GRK5: variants seen among roughly 807,000 people sequenced by gnomAD.
GRK5 encodes g protein-coupled receptor kinase GRK5.
GRK5 carries 40 observed loss-of-function variants against 78.4 expected under a neutral mutation model. The observed-to-expected ratio is 0.51, with a 90% confidence interval of 0.40 to 0.66. The LOEUF (loss-of-function observed/expected upper bound fraction) is 0.66, where lower values mean the gene tolerates loss of function less well. Ranked by LOEUF, GRK5 falls within the 30% of genes least tolerant of loss-of-function variation. The pLI is 0.00. For synonymous variants in GRK5, 289 were observed against 296.8 expected (o/e 0.97, Z 0.27); for missense variants, 598 against 759.9 (o/e 0.79, Z 2.50).
At chr10:119,276,407 A>G (rs1849671264) in intron 1 of GRK5, among the ~76,000 whole-genome samples, 2 of 152,178 alleles carry the variant, frequency 1.3e-5, no homozygotes, top group South Asian at 4.1e-4. Context: ...AATTTCATCC[A>G]TGTCCCTACA....
At chr10:119,343,903 C>T (rs1851027216) in intron 2 of GRK5, among the ~76,000 whole-genome samples, 1 of 152,104 alleles carries the variant, frequency 6.6e-6, no homozygotes, top group Non-Finnish European at 1.5e-5. Context: ...TCTTATTAAC[C>T]CACTGTGTAC....
intron 1 of GRK5, among the ~76,000 whole-genome samples, chr10:119,313,019 A>AATGGTGGTGCTGGTGGCT (rs1850396072): frequency 3.2e-4 from 4 of 12,446 alleles, no homozygotes; most frequent in Admixed American, 8.8e-4. Context: ...CGGTGATGGT[A>AATGGTGGTGCTGGTGGCT]GTGGTAATGG....
chr10:119,224,645 C>T (rs1214284931), intron 1 of GRK5, among the ~76,000 whole-genome samples: 1 of 152,088 alleles, frequency 6.6e-6, no homozygotes, highest in Non-Finnish European at 1.5e-5. Flanking sequence ...AACTTCTGAC[C>T]TCAGGTTATC....
intron 1 of GRK5, among the ~76,000 whole-genome samples, chr10:119,320,454 C>T (rs1396809318): frequency 6.6e-6 from 1 of 152,174 alleles, no homozygotes; most frequent in African/African-American, 2.4e-5. Flanking sequence ...GTGCTGCATG[C>T]GTTGAGAGAA....
rs1853134273 is a variant in GRK5, at chr10:119,445,795, T to C, written c.1266+2043T>C. Among the ~76,000 whole-genome samples the C allele has an allele frequency of 6.6e-6, 1 of 152,150 alleles. No individual in the cohort carries two copies. The highest frequency in any genetic ancestry group is 2.1e-4 in the South Asian group (1 of 4,826). On this transcript the variant is annotated intron_variant, in intron 12 of 15. Coordinates refer to ENST00000392870, the MANE Select transcript of GRK5 (RefSeq NM_005308.3). This position sits in a 1 kb window ranked among gnomAD's most constrained non-coding sequence, Gnocchi z 4.1. The stretch of plus-strand genomic sequence containing the variant: ...CGCAGGTCCTGGGTTCACAGGGCTA[T>C]TTCTAGGCTCTGGTGGCTCCAGCCC...
chr10:119,301,988 TGAG>T (rs1321880692), intron 1 of GRK5, among the ~76,000 whole-genome samples: 2 of 152,228 alleles, frequency 1.3e-5, no homozygotes, highest in Admixed American at 1.3e-4. Context: ...CACTTTCTGC[TGAG>T]GAGACTTGAT....
chr10:119,354,855 G>T (rs928076746), intron 2 of GRK5, among the ~76,000 whole-genome samples: 1 of 152,100 alleles, frequency 6.6e-6, no homozygotes, highest in Non-Finnish European at 1.5e-5. Context: ...TATTGGAAAG[G>T]CTGACTTTTC....
rs1257381482 is a variant in GRK5, at chr10:119,379,069, T to G, written c.149-1746T>G. Among the ~76,000 whole-genome samples the G allele has an allele frequency of 4.6e-5, 7 of 152,154 alleles. No homozygotes were observed. The highest frequency in any genetic ancestry group is 1.7e-4 in the African/African-American group (7 of 41,436). On this transcript the variant is annotated intron_variant, in intron 2 of 15. Coordinates refer to ENST00000392870, the MANE Select transcript of GRK5 (RefSeq NM_005308.3). The surrounding 1 kb of genome is among the most constrained non-coding windows in gnomAD (Gnocchi z 4.1). The stretch of plus-strand genomic sequence containing the variant: ...GATTCAGAGGCTTGGGTTGAATTGG[T>G]GCAGACTGGGAGAAAGGAGGTTCCC...
intron 1 of GRK5, among the ~76,000 whole-genome samples, chr10:119,273,469 A>G (rs1245958122): frequency 6.6e-6 from 1 of 152,154 alleles, no homozygotes; most frequent in Non-Finnish European, 1.5e-5. Flanking sequence ...TCCATGATCT[A>G]TTCATGGTGT....
chr10:119,314,162 G>A (rs1850443714), intron 1 of GRK5, among the ~76,000 whole-genome samples: 1 of 152,362 alleles, frequency 6.6e-6, no homozygotes, highest in South Asian at 2.1e-4. Flanking sequence ...TCTACCCCGT[G>A]GCTTTTGCCC....
intron 8 of GRK5, 64 bp from the exon 9 acceptor site, chr10:119,436,587 G>A (rs1852923911): frequency 1.3e-6 from 2 of 1,503,270 alleles, no homozygotes; most frequent in Admixed American, 3.4e-5. Flanking sequence ...GGATCCTGAG[G>A]AGGGAAGTGG....
At chr10:119,427,789 A>G (rs994391270) in intron 6 of GRK5, among the ~76,000 whole-genome samples, 1 of 129,098 alleles carries the variant, frequency 7.7e-6, no homozygotes, top group African/African-American at 2.5e-5. Flanking sequence ...CACCATCATC[A>G]GCATCACCAC....
At chr10:119,320,417 G>A (rs111628456) in intron 1 of GRK5, among the ~76,000 whole-genome samples, 131 of 152,330 alleles carry the variant, frequency 8.6e-4, no homozygotes, top group African/African-American at 2.8e-3. Context: ...CACTTGGCAC[G>A]TAGAGGTTGA....
At position 119,299,216 on chromosome 10, in the gene GRK5, G is replaced by T. The variant is rs546536879; in HGVS notation, c.53-27300G>T. Among the ~76,000 whole-genome samples, 3 of 152,330 alleles carry T rather than the reference G, an allele frequency of 2.0e-5. No individual in the cohort carries two copies. The South Asian group carries it at 6.2e-4, about 32-fold the overall frequency. On this transcript the variant is annotated intron_variant, in intron 1 of 15. Coordinates refer to ENST00000392870, the MANE Select transcript of GRK5 (RefSeq NM_005308.3). ...CAAGCACTTTGGGAGGCCAAGGCGG[G>T]TGGATCACCTGAGGTCAGGAGTTTG...
chr10:119,394,114 G>GT (rs1564916593), intron 3 of GRK5, among the ~76,000 whole-genome samples: 44 of 31,954 alleles, frequency 1.4e-3, no homozygotes, highest in Middle Eastern at 0.015. Flanking sequence ...TCTGTGTGGG[G>GT]GGTGTGTGTG....
chr10:119,349,606 A>G (rs1851157718), intron 2 of GRK5, among the ~76,000 whole-genome samples: 2 of 152,196 alleles, frequency 1.3e-5, no homozygotes, highest in Non-Finnish European at 2.9e-5. Context: ...GGTGGGGAAC[A>G]TGGCTCACCA....
rs757737379 is a variant in GRK5 at position 119,412,429 on chromosome 10, A to C, written c.340-10737A>C. 6.6e-6 allele frequency among the ~76,000 whole-genome samples: 1 copy of C among 152,162 alleles called. No individual in the cohort carries two copies. Among genetic ancestry groups the C allele is most frequent in the Non-Finnish European group, 1.5e-5 (1 of 68,020 alleles). On this transcript the variant is annotated intron_variant, in intron 4 of 15. Transcript: ENST00000392870. This position sits in a 1 kb window ranked among gnomAD's most constrained non-coding sequence, Gnocchi z 4.3. The stretch of plus-strand genomic sequence containing the variant: ...GCTGCTGGATGTTGGCATCAGGCCC[A>C]GGGTGGAGGGAGGGACAGGCCACGA...
In GRK5 at chr10:119,422,251, C is replaced by T. The variant is rs545681755; in HGVS notation, c.340-915C>T. 5.4e-4 allele frequency among the ~76,000 whole-genome samples: 82 copies of T among 152,168 alleles called. 1 individual carries two copies. Among genetic ancestry groups the T allele is most frequent in the South Asian group, 1.2e-3 (6 of 4,816 alleles). On this transcript the variant is annotated intron_variant, in intron 4 of 15. Transcript: ENST00000392870. ...GGTGGAGCTGCCTTCCAGATGCGGC[C>T]GCCACTCCTGGGTAGGACACAGCAA...
intron 8 of GRK5, among the ~76,000 whole-genome samples, chr10:119,435,967 C>G (rs1029261714): frequency 1.3e-5 from 2 of 152,176 alleles, no homozygotes; most frequent in African/African-American, 4.8e-5. Flanking sequence ...GAATGAGAAC[C>G]AAGTGAAATG....
Sources: allele counts gnomAD v4.1 joint callset (sites outside exome capture counted in the v4.1 genomes callset), GRCh38; gene constraint gnomAD v4.1.1; non-coding constraint Gnocchi (gnomAD v3.1); transcripts MANE v1.5; gene names NCBI Gene and HGNC (gene_info 2026-07-23, HGNC 2026-07-21).